The following DNAH11 variants were observed in gnomAD, a reference collection of about 807,000 sequenced individuals.
DNAH11 encodes dynein axonemal heavy chain 11.
A neutral mutation model predicts 526.0 loss-of-function variants in DNAH11; 442 were observed. The ratio of observed to expected loss-of-function variants is 0.84; its 90% CI spans 0.78 to 0.91. The LOEUF is 0.91. Ranked by LOEUF, DNAH11 falls within the 40% of genes least tolerant of loss-of-function variation. DNAH11 has a pLI of 0.00. For missense variants in DNAH11, 6,989 were observed against 5,448.7 expected (o/e 1.28, Z -8.90); for synonymous variants, 2,461 against 1,935.9 (o/e 1.27, Z -7.12).
intron 55 of DNAH11, among the ~76,000 whole-genome samples, chr7:21,767,890 C>T (rs181707305): frequency 4.7e-4 from 71 of 152,162 alleles, no homozygotes; most frequent in African/African-American, 1.7e-3. Context: ...TAATTATTGA[C>T]GTCATTTGCT....
At chr7:21,763,797 TATACA>T (rs760162639) in intron 54 of DNAH11, among the ~76,000 whole-genome samples, 14,559 of 148,752 alleles carry the variant, frequency 0.098, 956 homozygotes, top group East Asian at 0.26. Context: ...TATATATACA[TATACA>T]TATACATATA....
At chr7:21,858,337 A>G (rs1782933111) in intron 68 of DNAH11, among the ~76,000 whole-genome samples, 1 of 152,224 alleles carries the variant, frequency 6.6e-6, no homozygotes, top group South Asian at 2.1e-4. Flanking sequence ...ATAAATATAC[A>G]GTTAGAAAAT....
At chr7:21,807,348 A>C (rs936521852) in intron 62 of DNAH11, among the ~76,000 whole-genome samples, 1 of 152,054 alleles carries the variant, frequency 6.6e-6, no homozygotes, top group Non-Finnish European at 1.5e-5. Flanking sequence ...AAAATACAAA[A>C]ATTTGCCAGG....
chr7:21,870,587 G>A (rs1254033121), intron 73 of DNAH11, among the ~76,000 whole-genome samples: 1 of 152,128 alleles, frequency 6.6e-6, no homozygotes, highest in Non-Finnish European at 1.5e-5. Context: ...CATGCTCCCA[G>A]TGGCTCAGAC....
At chr7:21,719,460 G>A (rs1304499257) in intron 43 of DNAH11, among the ~76,000 whole-genome samples, 4 of 152,268 alleles carry the variant, frequency 2.6e-5, no homozygotes, top group South Asian at 4.2e-4. Flanking sequence ...GGCCGTATTC[G>A]TGTGTTCATC....
Position 21,901,049 on chromosome 7 carries a change from G to T in DNAH11, c.13346G>T (p.Arg4449Leu). 5 of 1,613,160 alleles carry T rather than the reference G, an allele frequency of 3.1e-6. No homozygotes were observed. The highest frequency in any genetic ancestry group is 4.2e-6 in the Non-Finnish European group (5 of 1,179,506). Reference sequence around the variant, plus strand: ...CAAGCAGGAACCATTGTTGAAGCCCGTCTCAAGGAGCTGGCATGCCCTATG... The same window carrying T: ...CAAGCAGGAACCATTGTTGAAGCCCTTCTCAAGGAGCTGGCATGCCCTATG... Reference protein sequence around the residue: ...DTQAGTIVEARLKELACPMPV... With the variant: ...DTQAGTIVEALLKELACPMPV... Residue 4449 changes from arginine to leucine, a missense_variant, in exon 82 of 82, where the codon CGT becomes CTT. Transcript: ENST00000409508.
intron 18 of DNAH11, among the ~76,000 whole-genome samples, chr7:21,601,922 G>C (rs948133924): frequency 2.0e-5 from 3 of 151,134 alleles, no homozygotes; most frequent in African/African-American, 7.3e-5. Flanking sequence ...TTGCTTTTTT[G>C]AGTTCAGTTT....
chr7:21,550,097 C>A (rs191783256), intron 2 of DNAH11, among the ~76,000 whole-genome samples: 33 of 151,444 alleles, frequency 2.2e-4, no homozygotes, highest in Admixed American at 5.3e-4. Context: ...TTGAAGGGTT[C>A]CTTAGGTGAC....
chr7:21,897,568 C>G (rs563233180), intron 79 of DNAH11, among the ~76,000 whole-genome samples: 40 of 152,228 alleles, frequency 2.6e-4, no homozygotes, highest in African/African-American at 8.4e-4. Flanking sequence ...ATGATGTGCC[C>G]TTGATTGTAT....
At chr7:21,846,681 A>G (rs963797384) in intron 66 of DNAH11, among the ~76,000 whole-genome samples, 2 of 151,962 alleles carry the variant, frequency 1.3e-5, no homozygotes, top group Admixed American at 1.3e-4. Flanking sequence ...TTTTTCCTGT[A>G]ATGGGTTTAT....
chr7:21,601,203 G>C, intron 17 of DNAH11, 24 bp downstream of exon 17: 2 of 1,574,730 alleles, frequency 1.3e-6, no homozygotes, highest in Non-Finnish European at 1.7e-6. Context: ...TTGGTTTTTG[G>C]AATTATAACT....
intron 35 of DNAH11, among the ~76,000 whole-genome samples, chr7:21,691,167 ATTTT>A (rs939874805): frequency 8.2e-6 from 1 of 121,868 alleles, no homozygotes; most frequent in African/African-American, 4.5e-5. Flanking sequence ...ATCTTTCATA[ATTTT>A]TTTTTTCTTT....
intron 25 of DNAH11, among the ~76,000 whole-genome samples, chr7:21,625,882 CTTAAG>C (rs552426056): frequency 6.6e-6 from 1 of 151,966 alleles, no homozygotes; most frequent in Non-Finnish European, 1.5e-5. Context: ...TTTTGATCTT[CTTAAG>C]TTTTTAGCTA....
At chr7:21,682,397 G>A (rs1002892213) in intron 31 of DNAH11, among the ~76,000 whole-genome samples, 6 of 151,772 alleles carry the variant, frequency 4.0e-5, no homozygotes, top group African/African-American at 1.5e-4. Flanking sequence ...GTGGTGGTGG[G>A]TGCCTGTAGT....
intron 31 of DNAH11, 185 bp downstream of exon 31, chr7:21,681,862 C>G (rs1783154453): frequency 1.3e-6 from 1 of 771,834 alleles, no homozygotes; most frequent in Non-Finnish European, 2.2e-6. Flanking sequence ...CTGATGAGAC[C>G]TATTCCAAGT....
intron 81 of DNAH11, 121 bp from the exon 82 acceptor site, chr7:21,900,886 T>G: frequency 1.4e-6 from 2 of 1,466,614 alleles, no homozygotes; most frequent in Non-Finnish European, 9.0e-7. Flanking sequence ...AAAATACCAC[T>G]GACAAGCAAA....
chr7:21,892,628 A>C lies in DNAH11; in HGVS notation c.12711A>C (p.Ala4237=), dbSNP rs763598195. The change falls in exon 77 of 82, where the codon GCA becomes GCC. Residue 4237 remains alanine, a synonymous_variant. Transcript: ENST00000409508. ...RTLLEMQPRN[A]LSGDELGQST... ...TGCTGGAGATGCAGCCCAGGAATGC[A>C]CTCAGTGGTGATGAACTGGGGCAGT... 2.4e-5 allele frequency: 39 copies of C among 1,612,424 alleles called. No homozygotes were observed. In the Admixed American group the frequency reaches 4.4e-4, roughly 18 times the overall value.
intron 46 of DNAH11, among the ~76,000 whole-genome samples, chr7:21,737,763 CA>C (rs1785680495): frequency 6.6e-6 from 1 of 152,070 alleles, no homozygotes; most frequent in African/African-American, 2.4e-5. Flanking sequence ...AGCAGGACCA[CA>C]AAGGCAAAAG....
At chr7:21,775,707 T>C (rs1303603326) in intron 56 of DNAH11, among the ~76,000 whole-genome samples, 4 of 152,192 alleles carry the variant, frequency 2.6e-5, no homozygotes, top group Admixed American at 2.0e-4. Context: ...GTCAGTTTTC[T>C]TCTATCTGTC....
Sources: gnomAD v4.1 joint callset for allele counts (sites outside exome capture counted in the v4.1 genomes callset) on GRCh38, gnomAD v4.1.1 for gene constraint, MANE v1.5 for transcripts, NCBI Gene and HGNC (gene_info 2026-07-23, HGNC 2026-07-21) for gene names.